The following FRMD4A variants were observed in gnomAD, a reference collection of about 807,000 sequenced individuals.
The protein encoded by FRMD4A is FERM domain-containing protein 4A.
Under a neutral mutation model 129.1 loss-of-function variants are expected in FRMD4A, and 29 were observed. The ratio of observed to expected loss-of-function variants is 0.22; its 90% confidence interval spans 0.17 to 0.31. FRMD4A has a LOEUF of 0.31. Among genes scored for constraint, FRMD4A ranks in the 10% least tolerant of loss-of-function variants. The probability of loss-of-function intolerance (pLI) is 1.00; values close to 1 mark genes in which losing one functional copy is unlikely to be tolerated. For synonymous variants in FRMD4A, 634 were observed against 571.6 expected, an observed-to-expected ratio of 1.11 and a Z score of -1.56; for missense variants, 1,272 against 1,375.8, an observed-to-expected ratio of 0.92 and a Z score of 1.19.
At chr10:13,651,846 A>AAC (rs59916484) in intron 24 of FRMD4A, 57 bp downstream of exon 24, 11,814 of 853,862 alleles carry the variant, frequency 0.014, 394 homozygotes, top group African/African-American at 0.091. Context: ...GGACAAAAGC[A>AAC]ACACATGTGG....
intron 14 of FRMD4A, among the ~76,000 whole-genome samples, chr10:13,697,444 G>A (rs923380596): frequency 6.6e-5 from 10 of 152,234 alleles, no homozygotes; most frequent in African/African-American, 1.9e-4. Flanking sequence ...CACTGCGCCC[G>A]GTCCGGATTC....
intron 15 of FRMD4A, among the ~76,000 whole-genome samples, chr10:13,683,411 C>T (rs2084787943): frequency 6.6e-6 from 1 of 150,930 alleles, no homozygotes; most frequent in African/African-American, 2.5e-5. Context: ...ACAGCGAGAC[C>T]CTATCTGTAA....
chr10:13,693,886 G>A lies in FRMD4A; in HGVS notation c.1117+12C>T, dbSNP rs1356162357. 1 of 1,608,592 alleles carries A rather than the reference G, an allele frequency of 6.2e-7. No homozygotes were observed. On this transcript the variant is annotated intron_variant, in intron 15 of 24. Coordinates refer to ENST00000357447, the MANE Select transcript of FRMD4A (RefSeq NM_018027.5). Reference sequence around the variant, plus strand: ...TGCTCAGGGGGCGTCCCTCCAGCTGGCCTCTGCCTACCTGAAGACAGCAGG... The same window carrying A: ...TGCTCAGGGGGCGTCCCTCCAGCTGACCTCTGCCTACCTGAAGACAGCAGG...
intron 3 of FRMD4A, among the ~76,000 whole-genome samples, chr10:13,840,689 G>A (rs2093948747): frequency 6.6e-6 from 1 of 151,306 alleles, no homozygotes; most frequent in Non-Finnish European, 1.5e-5. Context: ...TAGGGACGCT[G>A]AGGCATGAGA....
chr10:13,926,658 G>A (rs1346178069), intron 2 of FRMD4A, among the ~76,000 whole-genome samples: 1 of 152,172 alleles, frequency 6.6e-6, no homozygotes, highest in Non-Finnish European at 1.5e-5. Context: ...CAGGACATTT[G>A]TTTCACTCAG....
chr10:14,124,789 C>A (rs1035214060), intron 2 of FRMD4A, among the ~76,000 whole-genome samples: 1 of 152,154 alleles, frequency 6.6e-6, no homozygotes, highest in Admixed American at 6.5e-5. Flanking sequence ...GATCACCAAA[C>A]GGGATTGTAT....
chr10:14,003,503 A>C (rs2095650325), intron 2 of FRMD4A: 1 of 152,256 alleles, frequency 6.6e-6, no homozygotes, highest in South Asian at 2.1e-4. Context: ...TAAATGCAGG[A>C]AATTATGCTC....
At chr10:13,693,385 T>C (rs552837805) in intron 15 of FRMD4A, 162 of 416,850 alleles carry the variant, frequency 3.9e-4, no homozygotes, top group African/African-American at 3.4e-3. Flanking sequence ...GAACCAGATC[T>C]CTGACTCGCA....
chr10:14,084,037 C>T (rs1336880346), intron 2 of FRMD4A, among the ~76,000 whole-genome samples: 1 of 152,164 alleles, frequency 6.6e-6, no homozygotes, highest in Non-Finnish European at 1.5e-5. Flanking sequence ...TGTAAATGGT[C>T]CACATGTAAT....
At chr10:13,913,672 GGTATCCTTAGTAACT>G (rs1321696351) in intron 2 of FRMD4A, among the ~76,000 whole-genome samples, 2 of 152,114 alleles carry the variant, frequency 1.3e-5, no homozygotes, top group East Asian at 1.9e-4. Context: ...CAGTAGATGG[GGTATCCTTAGTAACT>G]GTATCCTTAG....
intron 6 of FRMD4A, among the ~76,000 whole-genome samples, chr10:13,777,092 C>G (rs1368979914): frequency 6.6e-6 from 1 of 152,216 alleles, no homozygotes; most frequent in Non-Finnish European, 1.5e-5. Context: ...ACATTTATCC[C>G]TTTTACCAAG....
At chr10:13,742,754 TA>T (rs1283463928) in intron 9 of FRMD4A, among the ~76,000 whole-genome samples, 3 of 152,160 alleles carry the variant, frequency 2.0e-5, no homozygotes, top group Non-Finnish European at 4.4e-5. Context: ...TGACCTCAAA[TA>T]ATCTGCCCAT....
At chr10:13,782,822 C>A (rs1244494071) in intron 6 of FRMD4A, 100 bp downstream of exon 6, 1 of 732,590 alleles carries the variant, frequency 1.4e-6, no homozygotes, top group Non-Finnish European at 2.5e-6. Context: ...ATGACTTCTC[C>A]TAATCAATAA....
At chr10:13,677,904 A>T (rs1221903312) in intron 15 of FRMD4A, among the ~76,000 whole-genome samples, 1 of 152,204 alleles carries the variant, frequency 6.6e-6, no homozygotes, top group East Asian at 1.9e-4. Context: ...AAGAAGATTA[A>T]AGGATTTCTA....
At chr10:13,970,296 G>A (rs12252807) in intron 2 of FRMD4A, among the ~76,000 whole-genome samples, 3 of 120,358 alleles carry the variant, frequency 2.5e-5, no homozygotes, top group Non-Finnish European at 4.5e-5. Flanking sequence ...TCTACCCCCC[G>A]CCTGCCCAGG....
intron 2 of FRMD4A, among the ~76,000 whole-genome samples, chr10:13,914,717 C>T (rs796605388): frequency 1.1e-4 from 16 of 152,156 alleles, no homozygotes; most frequent in African/African-American, 3.9e-4. Context: ...AAAACAAAAC[C>T]CATACAACCT....
intron 2 of FRMD4A, among the ~76,000 whole-genome samples, chr10:14,201,589 A>G (rs1200948970): frequency 6.6e-6 from 1 of 152,122 alleles, no homozygotes; most frequent in African/African-American, 2.4e-5. Context: ...CATAATGTCC[A>G]GCAAATAAAA....
chr10:14,015,938 G>A (rs2095697757), intron 2 of FRMD4A, among the ~76,000 whole-genome samples: 1 of 152,200 alleles, frequency 6.6e-6, no homozygotes, highest in South Asian at 2.1e-4. Context: ...CACAATGAGA[G>A]GCTCCAGTGT....
Position 14,112,553 on chromosome 10 carries a change from T to C in FRMD4A, c.45+217505A>G, listed in dbSNP as rs141661927. ...CTTTCTTCCTTTTTTTGAGATGGAG[T>C]CTCACTCTGTAGCCCAGGCTGGACT... On this transcript the variant is annotated intron_variant, in intron 2 of 24. Transcript: ENST00000357447. Among the ~76,000 whole-genome samples the C allele has an allele frequency of 9.8e-3, 1,495 of 152,198 alleles. 33 individuals carry two copies. The highest frequency in any genetic ancestry group is 0.034 in the African/African-American group (1,420 of 41,524).
Sources: gnomAD v4.1 joint callset for allele counts (sites outside exome capture counted in the v4.1 genomes callset) on GRCh38, gnomAD v4.1.1 for gene constraint, MANE v1.5 for transcripts, NCBI Gene and HGNC (gene_info 2026-07-23, HGNC 2026-07-21) for gene names.